DTNA: variants seen among roughly 807,000 people sequenced by gnomAD.
DTNA encodes the protein dystrophin-related protein 3.
DTNA carries 43 observed loss-of-function variants against 100.7 expected under a neutral mutation model. The ratio of observed to expected loss-of-function variants is 0.43; its 90% CI spans 0.33 to 0.55. The LOEUF (loss-of-function observed/expected upper bound fraction) is 0.55. Among genes scored for constraint, DTNA ranks in the 20% least tolerant of loss-of-function variants. DTNA has a pLI of 0.04. For missense variants in DTNA, 798 were observed against 953.9 expected, an observed-to-expected ratio of 0.84 and a Z score of 2.15; for synonymous variants, 349 against 347.9, an observed-to-expected ratio of 1.00 and a Z score of -0.04.
chr18:34,670,053 TTC>T (rs1485166987), intron 1 of DTNA, among the ~76,000 whole-genome samples: 1 of 152,220 alleles, frequency 6.6e-6, no homozygotes, highest in Admixed American at 6.5e-5. Flanking sequence ...CCCCATCACT[TTC>T]AGGTATACCA....
chr18:34,524,804 T>C (rs1187502303), intron 1 of DTNA, among the ~76,000 whole-genome samples: 1 of 151,926 alleles, frequency 6.6e-6, no homozygotes, highest in East Asian at 1.9e-4. Flanking sequence ...AAAAGAAAAA[T>C]ATTCCTGGAA....
chr18:34,716,648 A>G (rs1318016247), intron 1 of DTNA, among the ~76,000 whole-genome samples: 1 of 152,236 alleles, frequency 6.6e-6, no homozygotes, highest in Non-Finnish European at 1.5e-5. Context: ...CCAACTCTTT[A>G]GATGGAACAT....
intron 1 of DTNA, among the ~76,000 whole-genome samples, chr18:34,555,726 C>T (rs974854635): frequency 1.3e-5 from 2 of 152,128 alleles, no homozygotes; most frequent in African/African-American, 4.8e-5. Flanking sequence ...TTTGATTGCA[C>T]TGTGGTCTGA....
intron 1 of DTNA, among the ~76,000 whole-genome samples, chr18:34,614,990 AT>A (rs1302333234): frequency 6.6e-6 from 1 of 152,204 alleles, no homozygotes; most frequent in African/African-American, 2.4e-5. Flanking sequence ...AGCAAACATC[AT>A]TGTTTCCTTA....
At chr18:34,499,951 G>A (rs2039711810) in intron 1 of DTNA, among the ~76,000 whole-genome samples, 1 of 152,134 alleles carries the variant, frequency 6.6e-6, no homozygotes, top group Non-Finnish European at 1.5e-5. Context: ...ATATTACATA[G>A]TTTTACATGT....
At chr18:34,830,657 C>T (rs929315410) in intron 11 of DTNA, among the ~76,000 whole-genome samples, 3 of 152,098 alleles carry the variant, frequency 2.0e-5, no homozygotes, top group South Asian at 2.1e-4. Flanking sequence ...CTTGGTCCTT[C>T]GAAGTCTTCT....
intron 1 of DTNA, among the ~76,000 whole-genome samples, chr18:34,546,179 C>T (rs937343318): frequency 5.3e-5 from 8 of 152,132 alleles, no homozygotes; most frequent in East Asian, 1.9e-4. Context: ...TACTGACACA[C>T]GATAAAAAAC....
chr18:34,669,835 CCTTTCTCT>C (rs1212533160), intron 1 of DTNA, among the ~76,000 whole-genome samples: 1 of 152,322 alleles, frequency 6.6e-6, no homozygotes, highest in East Asian at 1.9e-4. Context: ...GGTAACCTGA[CCTTTCTCT>C]CTGGCTGCCC....
intron 1 of DTNA, among the ~76,000 whole-genome samples, chr18:34,538,178 A>G (rs1291615188): frequency 6.6e-6 from 1 of 152,072 alleles, no homozygotes; most frequent in East Asian, 1.9e-4. Context: ...GCAAGTGCTA[A>G]CAAAAAGAGA....
intron 9 of DTNA, among the ~76,000 whole-genome samples, chr18:34,826,694 G>C (rs1455854520): frequency 6.6e-6 from 1 of 152,062 alleles, no homozygotes; most frequent in African/African-American, 2.4e-5. Context: ...TTCAGAAAAT[G>C]CTCCACCTCA....
chr18:34,591,233 G>T (rs944141388), intron 1 of DTNA, among the ~76,000 whole-genome samples: 3 of 151,834 alleles, frequency 2.0e-5, no homozygotes, highest in Admixed American at 2.0e-4. Context: ...GATGTATAAT[G>T]ATTTTTTGGC....
intron 1 of DTNA, among the ~76,000 whole-genome samples, chr18:34,594,914 C>T (rs1489660522): frequency 2.0e-5 from 3 of 152,140 alleles, no homozygotes; most frequent in Non-Finnish European, 4.4e-5. Flanking sequence ...AAGAATCTGA[C>T]TTAAGAGAGT....
At chr18:34,705,758 T>C (rs772779898), upstream of DTNA, among the ~76,000 whole-genome samples, 6 of 152,182 alleles carry the variant, frequency 3.9e-5, no homozygotes, top group South Asian at 1.0e-3. Flanking sequence ...CAAAGATATA[T>C]TGCTTATAAT....
intron 1 of DTNA, among the ~76,000 whole-genome samples, chr18:34,659,623 GAC>G (rs1265884441): frequency 7.1e-6 from 1 of 140,856 alleles, no homozygotes; most frequent in Non-Finnish European, 1.5e-5. Context: ...CATACACACA[GAC>G]ACACACAGAC....
intron 1 of DTNA, among the ~76,000 whole-genome samples, chr18:34,576,657 C>G (rs772859626): frequency 6.6e-5 from 10 of 152,108 alleles, no homozygotes; most frequent in Admixed American, 6.6e-5. Context: ...TGGGGTTTCA[C>G]TATGTTGCCC....
At chr18:34,553,800 T>C (rs568721599) in intron 1 of DTNA, among the ~76,000 whole-genome samples, 1 of 151,324 alleles carries the variant, frequency 6.6e-6, no homozygotes, top group East Asian at 1.9e-4. Flanking sequence ...TAGTTTGAAG[T>C]CAGATAGTGT....
chr18:34,813,335 G>C (rs76870409), intron 6 of DTNA, among the ~76,000 whole-genome samples: 6,850 of 151,854 alleles, frequency 0.045, 214 homozygotes, highest in Non-Finnish European at 0.064. Flanking sequence ...CAGGCATGGT[G>C]GTACATGCTT....
chr18:34,818,393 A>T (rs2095640578), intron 8 of DTNA, 63 bp downstream of exon 8: 1 of 1,586,860 alleles, frequency 6.3e-7, no homozygotes, highest in Non-Finnish European at 8.6e-7. Context: ...AGTTAAAGGG[A>T]ATATCAAGGA....
chr18:34,578,484 C>T (rs2048326799), intron 1 of DTNA, among the ~76,000 whole-genome samples: 2 of 152,014 alleles, frequency 1.3e-5, no homozygotes, highest in South Asian at 4.1e-4. Context: ...TAAGTCCCAC[C>T]TACTTATCTT....
Sources: gnomAD v4.1 joint callset for allele counts (sites outside exome capture counted in the v4.1 genomes callset) on GRCh38, gnomAD v4.1.1 for gene constraint, MANE v1.5 for transcripts, NCBI Gene and HGNC (gene_info 2026-07-23, HGNC 2026-07-21) for gene names.